IL1RAPL1: variants seen among roughly 807,000 people sequenced by gnomAD.
IL1RAPL1 encodes interleukin-1 receptor accessory protein-like 1.
IL1RAPL1 carries 3 observed loss-of-function variants against 48.4 expected under a neutral mutation model. That is an observed-to-expected ratio of 0.06 (90% CI 0.03 to 0.16). IL1RAPL1 has a LOEUF of 0.16. IL1RAPL1 is among the 10% of genes least tolerant of loss of function. IL1RAPL1 has a pLI of 1.00. For synonymous variants in IL1RAPL1, 185 were observed against 187.7 expected (o/e 0.99, Z 0.12); for missense variants, 349 against 530.6 (o/e 0.66, Z 3.36).
chrX:28,807,551 A>G (rs910238047), intron 2 of IL1RAPL1, among the ~76,000 whole-genome samples: 1 of 111,501 alleles, frequency 9.0e-6, no homozygotes, highest in African/African-American at 3.2e-5. Context: ...ATTTTTGATT[A>G]CACTTTTTGG....
At chrX:28,672,966 C>G (rs1319538527) in intron 1 of IL1RAPL1, among the ~76,000 whole-genome samples, 2 of 111,412 alleles carry the variant, frequency 1.8e-5, no homozygotes, top group African/African-American at 6.5e-5. Flanking sequence ...CCTCCACCTT[C>G]TGAAATGCCC....
intron 2 of IL1RAPL1, among the ~76,000 whole-genome samples, chrX:28,892,489 A>T (rs1427378059): frequency 1.8e-5 from 2 of 111,410 alleles, no homozygotes; most frequent in Non-Finnish European, 3.8e-5. Flanking sequence ...TTCTTTTGTG[A>T]TTCTTCAGTT....
At chrX:28,676,427 G>A (rs781027233) in intron 1 of IL1RAPL1, among the ~76,000 whole-genome samples, 1 of 111,412 alleles carries the variant, frequency 9.0e-6, no homozygotes, top group African/African-American at 3.3e-5. Context: ...TTTTCTGTGT[G>A]CATATTAGTA....
At chrX:29,181,133 TGGA>T (rs1486484005) in intron 2 of IL1RAPL1, among the ~76,000 whole-genome samples, 2 of 111,864 alleles carry the variant, frequency 1.8e-5, no homozygotes, top group African/African-American at 6.5e-5. Context: ...ACATGTGACC[TGGA>T]GGAGTTTACC....
chrX:29,156,483 T>C (rs955639094), intron 2 of IL1RAPL1, among the ~76,000 whole-genome samples: 8 of 112,128 alleles, frequency 7.1e-5, no homozygotes, highest in Admixed American at 1.9e-4. Context: ...CACACAAATC[T>C]ATGTAGCAGT....
intron 5 of IL1RAPL1, among the ~76,000 whole-genome samples, chrX:29,623,998 T>A (rs1040389070): frequency 2.7e-5 from 3 of 111,988 alleles, no homozygotes; most frequent in African/African-American, 9.7e-5. Context: ...GGCATGTAAG[T>A]CAGGTTTGCC....
intron 2 of IL1RAPL1, among the ~76,000 whole-genome samples, chrX:28,987,684 T>C (rs1389635864): frequency 9.0e-6 from 1 of 111,713 alleles, no homozygotes; most frequent in African/African-American, 3.3e-5. Context: ...TCCTTGCTGG[T>C]TTATTGGATT....
intron 5 of IL1RAPL1, among the ~76,000 whole-genome samples, chrX:29,478,871 C>A (rs753822441): frequency 2.3e-4 from 26 of 110,839 alleles, no homozygotes; most frequent in Admixed American, 2.3e-3. Context: ...CTGACTGTTC[C>A]TGAAGATAGC....
intron 2 of IL1RAPL1, among the ~76,000 whole-genome samples, chrX:29,224,719 T>C (rs1008667644): frequency 8.9e-6 from 1 of 112,166 alleles, no homozygotes; most frequent in Non-Finnish European, 1.9e-5. Context: ...TTGGGCTTAG[T>C]CATAGAACAA....
intron 2 of IL1RAPL1, among the ~76,000 whole-genome samples, chrX:29,084,653 A>C (rs932219390): frequency 1.8e-5 from 2 of 112,422 alleles, no homozygotes; most frequent in Admixed American, 9.4e-5. Context: ...TTATTTTCCT[A>C]ATGTGCAACA....
intron 1 of IL1RAPL1, among the ~76,000 whole-genome samples, chrX:28,720,159 T>A (rs1022576408): frequency 4.5e-5 from 5 of 111,501 alleles, no homozygotes; most frequent in African/African-American, 6.5e-5. Flanking sequence ...TTTCTTTTTT[T>A]AATTACTCTG....
intron 5 of IL1RAPL1, among the ~76,000 whole-genome samples, chrX:29,589,328 C>T (rs1324403361): frequency 2.7e-5 from 3 of 111,675 alleles, no homozygotes; most frequent in African/African-American, 6.5e-5. Flanking sequence ...TCATAGTTAG[C>T]GAGCATCTTC....
intron 2 of IL1RAPL1, among the ~76,000 whole-genome samples, chrX:29,030,591 A>G (rs1926595074): frequency 9.0e-6 from 1 of 111,657 alleles, no homozygotes; most frequent in Non-Finnish European, 1.9e-5. Context: ...AGGATGGGGT[A>G]AAAAGTAAAA....
In IL1RAPL1 at chrX:28,850,322, C is replaced by T. The variant is rs12013665; in HGVS notation, c.82+60897C>T. Among the ~76,000 whole-genome samples, 6 of 110,897 alleles carry T rather than the reference C, an allele frequency of 5.4e-5. No individual in the cohort carries two copies. The South Asian group carries it at 1.2e-3, about 21-fold the overall frequency. ...AAGAAACACAACTGAGTACTGGGCT[C>T]GAGATGCTGCTTTCTGGATCCATCA... On this transcript the variant is annotated intron_variant, in intron 2 of 10. Coordinates refer to ENST00000378993, the MANE Select transcript of IL1RAPL1 (RefSeq NM_014271.4).
chrX:29,273,374 T>C lies in IL1RAPL1; in HGVS notation c.83-9564T>C, dbSNP rs187507345. On this transcript the variant is annotated intron_variant, in intron 2 of 10. Transcript: ENST00000378993. Reference sequence around the variant, plus strand: ...GGTATAAGGTGGGTTTCAACTGGCCTCTTTTCTGGAAGATTTTAGGGGGCC... The same window carrying C: ...GGTATAAGGTGGGTTTCAACTGGCCCCTTTTCTGGAAGATTTTAGGGGGCC... 3.2e-3 allele frequency among the ~76,000 whole-genome samples: 355 copies of C among 111,533 alleles called. 1 individual carries two copies. The highest frequency in any genetic ancestry group is 0.011 in the African/African-American group (340 of 30,619).
At chrX:29,357,865 T>C (rs1168827665) in intron 3 of IL1RAPL1, among the ~76,000 whole-genome samples, 4 of 112,099 alleles carry the variant, frequency 3.6e-5, no homozygotes, top group Non-Finnish European at 7.5e-5. Flanking sequence ...GATGTCATTT[T>C]GTGCTTATGG....
chrX:29,070,103 A>C (rs1459048268), intron 2 of IL1RAPL1, among the ~76,000 whole-genome samples: 2 of 112,075 alleles, frequency 1.8e-5, no homozygotes, highest in African/African-American at 6.5e-5. Flanking sequence ...GAATTCTTAT[A>C]TCAAGGAAAT....
At chrX:29,036,795 G>A (rs1926741527) in intron 2 of IL1RAPL1, among the ~76,000 whole-genome samples, 1 of 111,064 alleles carries the variant, frequency 9.0e-6, no homozygotes, top group Non-Finnish European at 1.9e-5. Context: ...TTTAAAATGT[G>A]TGCAGGACTC....
At chrX:29,577,440 A>G (rs578135304) in intron 5 of IL1RAPL1, among the ~76,000 whole-genome samples, 23 of 111,658 alleles carry the variant, frequency 2.1e-4, no homozygotes, top group African/African-American at 6.8e-4. Context: ...CATCTCTGCT[A>G]TATTCCCTAA....
Sources: allele counts gnomAD v4.1 joint callset (sites outside exome capture counted in the v4.1 genomes callset), GRCh38; gene constraint gnomAD v4.1.1; transcripts MANE v1.5; gene names NCBI Gene and HGNC (gene_info 2026-07-23, HGNC 2026-07-21).